The following POLR1A variants were observed in gnomAD, a reference collection of about 807,000 sequenced individuals.
The protein encoded by POLR1A is RNA polymerase I subunit A, also known as DNA-directed RNA polymerase I subunit RPA1.
Under a neutral mutation model 205.3 loss-of-function variants are expected in POLR1A, and 84 were observed. The ratio of observed to expected loss-of-function variants is 0.41; its 90% CI spans 0.34 to 0.49. The LOEUF is 0.49. POLR1A is among the 20% of genes least tolerant of loss of function. The probability of loss-of-function intolerance (pLI) is 0.22; values close to 1 mark genes in which losing one functional copy is unlikely to be tolerated. For synonymous variants in POLR1A, 799 were observed against 863.7 expected, an observed-to-expected ratio of 0.93 and a Z score of 1.31; for missense variants, 1,645 against 2,204.5, an observed-to-expected ratio of 0.75 and a Z score of 5.08.
At chr2:86,104,779 T>C (rs1185414502) in intron 1 of POLR1A, among the ~76,000 whole-genome samples, 2 of 152,226 alleles carry the variant, frequency 1.3e-5, no homozygotes, top group East Asian at 1.9e-4. Context: ...TTAGGCCATG[T>C]TGAGTTTTTG....
chr2:86,038,757 T>C lies in POLR1A; in HGVS notation c.3977A>G (p.Tyr1326Cys). ...QLRFQFLPHAYYQQEKCLRPE... is the reference protein window; with the variant it reads ...QLRFQFLPHACYQQEKCLRPE... Reference sequence around the variant, plus strand: ...TCTCAGGCACTTCTCCTGCTGGTAATATGCATGTGGCAGGAACTGAAACCG... The same window carrying C: ...TCTCAGGCACTTCTCCTGCTGGTAACATGCATGTGGCAGGAACTGAAACCG... Residue 1326 changes from tyrosine to cysteine, a missense_variant, in exon 27 of 34, where the codon TAT becomes TGT. Around this residue, in one of 16 missense-constraint regions of POLR1A, gnomAD observed 394 missense variants for 468.5 expected, o/e 0.84. Transcript: ENST00000263857. 1 of 1,613,922 alleles carries C rather than the reference T, an allele frequency of 6.2e-7. No homozygotes were observed. The highest frequency in any genetic ancestry group is 8.5e-7 in the Non-Finnish European group (1 of 1,179,840).
At chr2:86,027,851 G>C in intron 33 of POLR1A, 34 bp downstream of exon 33, 1 of 1,612,082 alleles carries the variant, frequency 6.2e-7, no homozygotes. Flanking sequence ...GTCGTCAGTA[G>C]AGGGGAGGCC....
chr2:86,049,101 T>C, intron 17 of POLR1A, 59 bp from the exon 18 acceptor site: 1 of 1,611,506 alleles, frequency 6.2e-7, no homozygotes, highest in Non-Finnish European at 8.5e-7. Context: ...GTGTGGGTTT[T>C]GACTCAGCAC....
At chr2:86,084,414 C>T (rs1224809255) in intron 6 of POLR1A, among the ~76,000 whole-genome samples, 3 of 149,978 alleles carry the variant, frequency 2.0e-5, no homozygotes, top group South Asian at 2.1e-4. Flanking sequence ...GAGACCCTGT[C>T]TCAAAAAAAA....
At chr2:86,040,969 A>G (rs1428654190) in intron 24 of POLR1A, among the ~76,000 whole-genome samples, 5 of 152,218 alleles carry the variant, frequency 3.3e-5, no homozygotes, top group Admixed American at 3.3e-4. Context: ...AAAAATTAGA[A>G]AGAGGTTCAC....
intron 23 of POLR1A, among the ~76,000 whole-genome samples, chr2:86,042,540 G>A (rs1301345690): frequency 2.6e-5 from 4 of 152,202 alleles, no homozygotes; most frequent in African/African-American, 7.2e-5. Context: ...GCTTCAAAGA[G>A]ATCCCCTGCT....
intron 14 of POLR1A, among the ~76,000 whole-genome samples, chr2:86,061,998 T>C (rs1673007199): frequency 6.6e-6 from 1 of 152,188 alleles, no homozygotes; most frequent in Admixed American, 6.5e-5. Context: ...GCATGCTCTT[T>C]GAACAAATAA....
chr2:86,041,410 G>GTGTC (rs940524026), intron 24 of POLR1A, among the ~76,000 whole-genome samples: 1 of 152,048 alleles, frequency 6.6e-6, no homozygotes, highest in Non-Finnish European at 1.5e-5. Context: ...GTGTGTGTGT[G>GTGTC]TGTCTGTCCT....
At position 86,033,638 on chromosome 2, in the gene POLR1A, G is replaced by T. The variant is rs779875271; in HGVS notation, c.4161+23C>A. ...TGGGGGCTGTCCCTGTGCAACTCTA[G>T]TGACCCCCGGGGACTCACTCACCCG... On this transcript the variant is annotated intron_variant, in intron 28 of 33. Coordinates refer to ENST00000263857, the MANE Select transcript of POLR1A (RefSeq NM_015425.6). The T allele has an allele frequency of 4.3e-6, 7 of 1,610,198 alleles. No individual in the cohort carries two copies. The South Asian group carries it at 7.7e-5, about 18-fold the overall frequency.
rs114599964 is a variant in POLR1A, at chr2:86,096,063, C to T, written c.432+2548G>A. 2.1e-4 allele frequency among the ~76,000 whole-genome samples: 32 copies of T among 152,056 alleles called. No homozygotes were observed. The Middle Eastern group carries it at 0.01, about 48-fold the overall frequency. ...CATATATAGAAAAACCTAGACTCTA[C>T]CAAAAACCTCTTAGAACTCATAAAC... On this transcript the variant is annotated intron_variant, in intron 3 of 33. Coordinates refer to ENST00000263857, the MANE Select transcript of POLR1A (RefSeq NM_015425.6).
In POLR1A at chr2:86,023,236, A is replaced by C. The variant is rs145921018; in HGVS notation, c.*4187T>G. ...CAGGAGACCTGCGGTAGGCCCAGCAACTCTGTGACCTATCTAAACTACACA... is the reference window on the plus strand; with the variant it reads ...CAGGAGACCTGCGGTAGGCCCAGCACCTCTGTGACCTATCTAAACTACACA... On this transcript the variant is annotated 3_prime_UTR_variant, in exon 34 of 34. Coordinates refer to ENST00000263857, the MANE Select transcript of POLR1A (RefSeq NM_015425.6). 5.9e-5 allele frequency: 9 copies of C among 152,204 alleles called. No individual in the cohort carries two copies. The highest frequency in any genetic ancestry group is 1.3e-4 in the Admixed American group (2 of 15,284). 9.4% of individuals were successfully genotyped at this position (152,204 alleles called of 1,614,324 possible).
At chr2:86,047,028 G>T in intron 19 of POLR1A, 137 bp downstream of exon 19, 1 of 604,300 alleles carries the variant, frequency 1.7e-6, no homozygotes, top group Non-Finnish European at 3.0e-6. Context: ...ACAGTGGTTA[G>T]CTCCTGTAGT....
At position 86,105,853 on chromosome 2, in the gene POLR1A, A is replaced by G; in HGVS notation, c.-77T>C. On this transcript the variant is annotated 5_prime_UTR_variant, in exon 1 of 34. Transcript: ENST00000263857. ...CCTGACTATTCTTAATTCAACCTCA[A>G]GCCCGGAGTCACCACGCGATTCAAC... is the stretch of plus-strand genomic sequence containing the variant. 1.5e-6 allele frequency: 2 copies of G among 1,324,240 alleles called. No homozygotes were observed. Among genetic ancestry groups the G allele is most frequent in the Non-Finnish European group, 2.2e-6 (2 of 929,268 alleles). 82.0% of individuals were successfully genotyped at this position (1,324,240 alleles called of 1,614,324 possible).
rs900122267 is a variant in POLR1A at position 86,067,030 on chromosome 2, C to T, written c.1867-1565G>A. Among the ~76,000 whole-genome samples the T allele has an allele frequency of 1.3e-5, 2 of 152,156 alleles. 1 individual carries two copies. The highest frequency in any genetic ancestry group is 2.9e-5 in the Non-Finnish European group (2 of 68,042). ...TTTTTTTCCTTAAAGAACATAATTACAGGTTCTGTGATCTATTCAGTGCCT... is the reference window on the plus strand; with the variant it reads ...TTTTTTTCCTTAAAGAACATAATTATAGGTTCTGTGATCTATTCAGTGCCT... On this transcript the variant is annotated intron_variant, in intron 13 of 33. Coordinates refer to ENST00000263857, the MANE Select transcript of POLR1A (RefSeq NM_015425.6).
chr2:86,072,781 T>C (rs1021142640), intron 12 of POLR1A, among the ~76,000 whole-genome samples: 1 of 152,188 alleles, frequency 6.6e-6, no homozygotes, highest in Non-Finnish European at 1.5e-5. Flanking sequence ...ATAGAGGAAA[T>C]GGGTCCTTTT....
At position 86,055,888 on chromosome 2, in the gene POLR1A, C is replaced by CGTAG. The variant is rs1672886123; in HGVS notation, c.2059-1600_2059-1599insCTAC. On this transcript the variant is annotated intron_variant, in intron 14 of 33. Coordinates refer to ENST00000263857, the MANE Select transcript of POLR1A (RefSeq NM_015425.6). ...GTCAGGACCAAGACAAGGATGTCTA[C>CGTAG]GCTTGCCATTTCTATTCAACAATGT... 2.0e-5 allele frequency among the ~76,000 whole-genome samples: 3 copies of CGTAG among 152,190 alleles called. No homozygotes were observed. The South Asian group carries it at 6.2e-4, about 32-fold the overall frequency.
At chr2:86,071,486 A>G (rs1374341675) in intron 12 of POLR1A, among the ~76,000 whole-genome samples, 2 of 152,236 alleles carry the variant, frequency 1.3e-5, no homozygotes, top group African/African-American at 4.8e-5. Flanking sequence ...CGTTCTTCCT[A>G]TAATGAGTAT....
chr2:86,088,281 T>C (rs141593993), intron 6 of POLR1A, among the ~76,000 whole-genome samples: 74 of 152,362 alleles, frequency 4.9e-4, no homozygotes, highest in African/African-American at 1.7e-3. Flanking sequence ...AATTTCTTAA[T>C]TTCTTCCTGA....
chr2:86,105,193 A>T (rs953542133), intron 1 of POLR1A, among the ~76,000 whole-genome samples: 1 of 152,228 alleles, frequency 6.6e-6, no homozygotes, highest in South Asian at 2.1e-4. Context: ...GTTTCAAGAG[A>T]GTGCATTGGA....
Sources: gnomAD v4.1 joint callset for allele counts (sites outside exome capture counted in the v4.1 genomes callset) on GRCh38, gnomAD v4.1.1 for gene constraint, gnomAD v4.1.1 regional missense constraint, MANE v1.5 for transcripts, NCBI Gene and HGNC (gene_info 2026-07-23, HGNC 2026-07-21) for gene names.